The following LUZP2 variants were observed in gnomAD, a reference collection of about 807,000 sequenced individuals.
LUZP2 encodes leucine zipper protein 2.
Under a neutral mutation model 51.6 loss-of-function variants are expected in LUZP2, and 52 were observed. That is an observed-to-expected ratio of 1.01 (90% CI 0.81 to 1.27). LUZP2 has a LOEUF of 1.27. LUZP2 is among the 50% of genes most tolerant of loss of function. LUZP2 has a pLI of 0.00. For synonymous variants in LUZP2, 154 were observed against 137.3 expected, an observed-to-expected ratio of 1.12 and a Z score of -0.85; for missense variants, 436 against 395.4, an observed-to-expected ratio of 1.10 and a Z score of -0.87.
intron 7 of LUZP2, among the ~76,000 whole-genome samples, chr11:24,921,610 T>C (rs1490373592): frequency 6.6e-6 from 1 of 152,174 alleles, no homozygotes; most frequent in Non-Finnish European, 1.5e-5. Flanking sequence ...TTATTTTTTA[T>C]TACAGGAACA....
At chr11:24,741,260 A>T (rs1411906109) in intron 4 of LUZP2, among the ~76,000 whole-genome samples, 1 of 152,016 alleles carries the variant, frequency 6.6e-6, no homozygotes, top group Non-Finnish European at 1.5e-5. Flanking sequence ...TGGTGTCTTT[A>T]TGGGAATCAG....
At chr11:24,896,641 G>T (rs975578021) in intron 5 of LUZP2, among the ~76,000 whole-genome samples, 1 of 152,262 alleles carries the variant, frequency 6.6e-6, no homozygotes, top group Admixed American at 6.5e-5. Context: ...CCTGCTCCCC[G>T]GTGCCTGGTC....
intron 10 of LUZP2, among the ~76,000 whole-genome samples, chr11:25,062,525 G>C (rs75814136): frequency 0.061 from 8,623 of 140,394 alleles, 797 homozygotes; most frequent in African/African-American, 0.2. Context: ...GGGTGGTTGA[G>C]GCTACAGTGA....
chr11:24,722,943 C>A (rs1457115778), intron 1 of LUZP2, among the ~76,000 whole-genome samples: 3 of 151,078 alleles, frequency 2.0e-5, no homozygotes, highest in Non-Finnish European at 4.4e-5. Context: ...GAGAGAGATT[C>A]AAAATTCAAG....
intron 1 of LUZP2, among the ~76,000 whole-genome samples, chr11:24,690,507 A>G (rs1351030981): frequency 1.3e-5 from 2 of 152,112 alleles, no homozygotes; most frequent in East Asian, 1.9e-4. Flanking sequence ...GATTTTTGTA[A>G]TATTTGCTAA....
chr11:24,963,145 G>A (rs965216934), intron 7 of LUZP2, among the ~76,000 whole-genome samples: 4 of 152,068 alleles, frequency 2.6e-5, no homozygotes, highest in East Asian at 1.9e-4. Flanking sequence ...AGGAGTACCC[G>A]GCCGTGTGAA....
At chr11:24,908,730 GT>G (rs1311187772) in intron 6 of LUZP2, among the ~76,000 whole-genome samples, 1 of 150,740 alleles carries the variant, frequency 6.6e-6, no homozygotes, top group Non-Finnish European at 1.5e-5. Flanking sequence ...CAGACAGGAA[GT>G]TGCTTTTTTT....
At chr11:24,959,321 A>T (rs892236463) in intron 7 of LUZP2, among the ~76,000 whole-genome samples, 8 of 152,122 alleles carry the variant, frequency 5.3e-5, no homozygotes, top group African/African-American at 1.7e-4. Flanking sequence ...TGGGGATGGC[A>T]TTGAATCTAT....
Position 24,752,896 on chromosome 11 carries a change from G to C in LUZP2, c.334-10350G>C, listed in dbSNP as rs567645952. Among the ~76,000 whole-genome samples the C allele has an allele frequency of 5.3e-5, 8 of 151,818 alleles. 1 individual carries two copies. The South Asian group carries it at 1.5e-3, about 28-fold the overall frequency. On this transcript the variant is annotated intron_variant, in intron 4 of 11. Coordinates refer to ENST00000336930, the MANE Select transcript of LUZP2 (RefSeq NM_001009909.4). Reference sequence around the variant, plus strand: ...AGAATAACTAAAATTAAAAGAATAGGAAAATATATACAAATGTTCTAAGTT... The same window carrying C: ...AGAATAACTAAAATTAAAAGAATAGCAAAATATATACAAATGTTCTAAGTT...
chr11:24,536,165 C>T (rs1851171756), intron 1 of LUZP2, among the ~76,000 whole-genome samples: 1 of 151,726 alleles, frequency 6.6e-6, no homozygotes. Flanking sequence ...GTATTTTTAA[C>T]ATGCCGGCAG....
intron 1 of LUZP2, among the ~76,000 whole-genome samples, chr11:24,728,406 TC>T (rs976475419): frequency 3.4e-4 from 51 of 152,118 alleles, no homozygotes; most frequent in African/African-American, 1.2e-3. Flanking sequence ...TTTGCCTGCC[TC>T]CCCTGCTTCT....
chr11:25,050,224 T>G, intron 10 of LUZP2, 94 bp downstream of exon 10: 2 of 515,750 alleles, frequency 3.9e-6, no homozygotes, highest in Non-Finnish European at 6.8e-6. Flanking sequence ...ATGAAACTAT[T>G]TATATGTAAT....
chr11:24,529,002 A>C (rs1480573108), intron 1 of LUZP2, among the ~76,000 whole-genome samples: 1 of 151,098 alleles, frequency 6.6e-6, no homozygotes, highest in Non-Finnish European at 1.5e-5. Context: ...CAGACTTCTT[A>C]GATTTAGCGC....
chr11:24,830,875 T>C (rs1850681590), intron 5 of LUZP2, among the ~76,000 whole-genome samples: 1 of 151,866 alleles, frequency 6.6e-6, no homozygotes, highest in African/African-American at 2.4e-5. Flanking sequence ...GCGCCTATAG[T>C]CCCAGCTACT....
intron 6 of LUZP2, among the ~76,000 whole-genome samples, 195 bp downstream of exon 6, chr11:24,906,248 A>C (rs1267038708): frequency 6.6e-6 from 1 of 152,050 alleles, no homozygotes; most frequent in Non-Finnish European, 1.5e-5. Context: ...AAGGAAAAAA[A>C]AAAATTAACA....
At chr11:24,832,525 T>C (rs1850732209) in intron 5 of LUZP2, among the ~76,000 whole-genome samples, 1 of 150,874 alleles carries the variant, frequency 6.6e-6, no homozygotes, top group African/African-American at 2.4e-5. Context: ...TAATATCTTG[T>C]TAATGATCCA....
chr11:24,728,378 T>C (rs1473034809), intron 1 of LUZP2, among the ~76,000 whole-genome samples: 2 of 151,988 alleles, frequency 1.3e-5, no homozygotes, highest in Non-Finnish European at 2.9e-5. Flanking sequence ...TTGTATGTTT[T>C]GCTGAAATCA....
At chr11:24,498,020 A>G (rs1264436297) in intron 1 of LUZP2, among the ~76,000 whole-genome samples, 1 of 152,182 alleles carries the variant, frequency 6.6e-6, no homozygotes, top group East Asian at 1.9e-4. Context: ...CAGAGGAGCT[A>G]TTTTTGGTGG....
chr11:24,623,161 C>A (rs920062133), intron 1 of LUZP2, among the ~76,000 whole-genome samples: 2 of 151,842 alleles, frequency 1.3e-5, no homozygotes, highest in African/African-American at 4.8e-5. Flanking sequence ...AACTCCCCCC[C>A]AAACAACATA....
Sources: gnomAD v4.1 joint callset for allele counts (sites outside exome capture counted in the v4.1 genomes callset) on GRCh38, gnomAD v4.1.1 for gene constraint, MANE v1.5 for transcripts, NCBI Gene and HGNC (gene_info 2026-07-23, HGNC 2026-07-21) for gene names.